ANKFN1: variants seen among roughly 807,000 people sequenced by gnomAD.
ANKFN1 encodes the protein ankyrin repeat and fibronectin type III domain containing 1, also known as ankyrin repeat and fibronectin type-III domain-containing protein 1.
A neutral mutation model predicts 108.7 loss-of-function variants in ANKFN1; 74 were observed. The ratio of observed to expected loss-of-function variants is 0.68; its 90% CI spans 0.56 to 0.83. ANKFN1 has a LOEUF of 0.83. ANKFN1 is among the 40% of genes least tolerant of loss of function. The pLI, the probability that ANKFN1 is intolerant of heterozygous loss-of-function variation, is 0.00. For missense variants in ANKFN1, 1,505 were observed against 1,382.3 expected, an observed-to-expected ratio of 1.09 and a Z score of -1.41; for synonymous variants, 547 against 516.2, an observed-to-expected ratio of 1.06 and a Z score of -0.81.
intron 1 of ANKFN1, among the ~76,000 whole-genome samples, chr17:56,159,739 AAAT>A (rs1909467679): frequency 6.6e-6 from 1 of 152,196 alleles, no homozygotes; most frequent in Non-Finnish European, 1.5e-5. Context: ...CAGTCTGATT[AAAT>A]GCTTTTGCAT....
chr17:56,149,608 G>A (rs1908475233), upstream of ANKFN1, among the ~76,000 whole-genome samples: 1 of 152,234 alleles, frequency 6.6e-6, no homozygotes, highest in South Asian at 2.1e-4. Context: ...GCCTTTACAG[G>A]TGGTCACAGG....
intron 1 of ANKFN1, among the ~76,000 whole-genome samples, chr17:56,194,924 T>C (rs185108084): frequency 1.7e-3 from 258 of 152,276 alleles, no homozygotes; most frequent in African/African-American, 6.0e-3. Context: ...AACAACAATA[T>C]AGATGAGCCA....
intron 3 of ANKFN1, among the ~76,000 whole-genome samples, chr17:56,308,418 G>A (rs1451898577): frequency 6.6e-6 from 1 of 152,018 alleles, no homozygotes; most frequent in African/African-American, 2.4e-5. Flanking sequence ...TGACCTTGCT[G>A]AACTCATTTA....
intron 14 of ANKFN1, among the ~76,000 whole-genome samples, chr17:56,458,673 T>C (rs113745591): frequency 2.6e-3 from 402 of 152,264 alleles, no homozygotes; most frequent in Middle Eastern, 0.01. Context: ...TTAAGTGAAT[T>C]TGTGAATCTT....
intron 3 of ANKFN1, among the ~76,000 whole-genome samples, chr17:56,311,514 AT>A (rs900087867): frequency 6.6e-6 from 1 of 152,044 alleles, no homozygotes; most frequent in South Asian, 2.1e-4. Context: ...AATGTATGTC[AT>A]TTTTTTTACT....
chr17:56,358,628 A>G (rs1279032251), intron 6 of ANKFN1, among the ~76,000 whole-genome samples: 1 of 152,158 alleles, frequency 6.6e-6, no homozygotes, highest in African/African-American at 2.4e-5. Context: ...TTGCAGAAAA[A>G]CAATCAGCCA....
intron 4 of ANKFN1, among the ~76,000 whole-genome samples, chr17:56,345,241 C>T (rs944608736): frequency 5.3e-5 from 8 of 152,080 alleles, no homozygotes; most frequent in South Asian, 4.1e-4. Context: ...TTTATGGCTG[C>T]GTAGTATTCC....
At chr17:56,050,420 T>G (rs374863755) in intron 4 of ANKFN1, among the ~76,000 whole-genome samples, 62 of 134,816 alleles carry the variant, frequency 4.6e-4, no homozygotes, top group African/African-American at 1.0e-3. Context: ...GTCAATTTTG[T>G]CTTTTGTTGC....
chr17:56,227,982 G>T (rs758384776), intron 3 of ANKFN1, 25 bp downstream of exon 3: 2 of 1,593,452 alleles, frequency 1.3e-6, no homozygotes, highest in Non-Finnish European at 1.7e-6. Flanking sequence ...TCCTTGAAAT[G>T]GTATCTACTT....
intron 1 of ANKFN1, among the ~76,000 whole-genome samples, chr17:56,188,774 C>G (rs548579286): frequency 6.6e-6 from 1 of 151,476 alleles, no homozygotes; most frequent in African/African-American, 2.4e-5. Context: ...CTCAGAATAT[C>G]CTGGGTGATA....
intron 8 of ANKFN1, among the ~76,000 whole-genome samples, chr17:56,427,461 A>T (rs2048605654): frequency 6.6e-6 from 1 of 152,038 alleles, no homozygotes; most frequent in Non-Finnish European, 1.5e-5. Context: ...CACTATTGCC[A>T]CATGTAGCTG....
intron 8 of ANKFN1, among the ~76,000 whole-genome samples, chr17:56,378,717 C>G (rs1010385063): frequency 3.3e-5 from 5 of 152,152 alleles, no homozygotes; most frequent in Admixed American, 2.0e-4. Context: ...GGAAATGTTA[C>G]GTCCAGAGGA....
At chr17:56,220,755 G>A (rs868854932) in intron 2 of ANKFN1, among the ~76,000 whole-genome samples, 13 of 145,984 alleles carry the variant, frequency 8.9e-5, no homozygotes, top group African/African-American at 3.3e-4. Context: ...AGGGAGGAAG[G>A]AAGGAAAGGA....
chr17:56,434,314 C>T (rs774559758), intron 8 of ANKFN1, among the ~76,000 whole-genome samples: 110 of 150,550 alleles, frequency 7.3e-4, no homozygotes, highest in Non-Finnish European at 1.4e-3. Flanking sequence ...TGAATCTAGC[C>T]TTCTGATTCC....
intron 5 of ANKFN1, among the ~76,000 whole-genome samples, chr17:56,352,793 G>C (rs2046278701): frequency 6.6e-6 from 1 of 152,158 alleles, no homozygotes; most frequent in Non-Finnish European, 1.5e-5. Context: ...ACAGGAGCTA[G>C]CAGATATTTG....
chr17:56,333,914 C>T (rs1209032486), intron 4 of ANKFN1, among the ~76,000 whole-genome samples: 1 of 152,074 alleles, frequency 6.6e-6, no homozygotes, highest in Non-Finnish European at 1.5e-5. Context: ...TTGTAGAGAC[C>T]AGCCCACCTT....
At position 56,516,941 on chromosome 17, in the gene ANKFN1, A is replaced by G. The variant is rs1200855181; in HGVS notation, c.*5672A>G. 6.6e-6 allele frequency among the ~76,000 whole-genome samples: 1 copy of G among 152,178 alleles called. No homozygotes were observed. The highest frequency in any genetic ancestry group is 2.4e-5 in the African/African-American group (1 of 41,446). Reference sequence around the variant, plus strand: ...TTCTTCATTAGATTTTTTGCTGTTTAAGGGACAGTTTCCAAGCCCATTTGT... The same window carrying G: ...TTCTTCATTAGATTTTTTGCTGTTTGAGGGACAGTTTCCAAGCCCATTTGT... On this transcript the variant is annotated 3_prime_UTR_variant, in exon 21 of 21. Coordinates refer to ENST00000682825, the MANE Select transcript of ANKFN1 (RefSeq NM_001370326.1).
intron 4 of ANKFN1, among the ~76,000 whole-genome samples, chr17:56,326,799 T>C (rs1391537576): frequency 6.6e-6 from 1 of 152,186 alleles, no homozygotes; most frequent in African/African-American, 2.4e-5. Flanking sequence ...AACCCAGATA[T>C]ATTACTGTCT....
rs1036289586 is a variant in ANKFN1, at chr17:56,214,940, A to G, written c.12+2261A>G. Among the ~76,000 whole-genome samples, 3 of 152,364 alleles carry G rather than the reference A, an allele frequency of 2.0e-5. No individual in the cohort carries two copies. In the East Asian group the frequency reaches 5.8e-4, roughly 29 times the overall value. On this transcript the variant is annotated intron_variant, in intron 2 of 20. Coordinates refer to ENST00000682825, the MANE Select transcript of ANKFN1 (RefSeq NM_001370326.1). ...TGATATGTATAACCCAATTGCCCCA[A>G]GGCCTCTAGCTTTTGGGGCAGTAAC...
Sources: gnomAD v4.1 joint callset for allele counts (sites outside exome capture counted in the v4.1 genomes callset) on GRCh38, gnomAD v4.1.1 for gene constraint, MANE v1.5 for transcripts, NCBI Gene and HGNC (gene_info 2026-07-23, HGNC 2026-07-21) for gene names.